The following FBXW11 variants were observed in gnomAD, a reference collection of about 807,000 sequenced individuals.
FBXW11 encodes the protein F-box and WD repeat domain containing 11.
Under a neutral mutation model 77.6 loss-of-function variants are expected in FBXW11, and 19 were observed. The ratio of observed to expected loss-of-function variants is 0.24; its 90% CI spans 0.17 to 0.36. The LOEUF (loss-of-function observed/expected upper bound fraction) is 0.36. Ranked by LOEUF, FBXW11 falls within the 10% of genes least tolerant of loss-of-function variation. FBXW11 has a pLI of 1.00. For missense variants in FBXW11, 334 were observed against 704.2 expected, an observed-to-expected ratio of 0.47 and a Z score of 5.95; for synonymous variants, 235 against 249.4, an observed-to-expected ratio of 0.94 and a Z score of 0.54.
chr5:171,908,265 A>T (rs1760657532), intron 4 of FBXW11, among the ~76,000 whole-genome samples: 1 of 152,072 alleles, frequency 6.6e-6, no homozygotes, highest in East Asian at 1.9e-4. Flanking sequence ...GCATGTCTCC[A>T]TCTCCCCCTC....
chr5:171,891,954 A>T (rs902832820), intron 6 of FBXW11, among the ~76,000 whole-genome samples: 2 of 152,194 alleles, frequency 1.3e-5, no homozygotes, highest in Non-Finnish European at 2.9e-5. Flanking sequence ...AATGCCAATT[A>T]AAAAACCATC....
At chr5:171,877,371 C>G (rs1249816566) in intron 8 of FBXW11, among the ~76,000 whole-genome samples, 2 of 152,146 alleles carry the variant, frequency 1.3e-5, no homozygotes, top group Non-Finnish European at 2.9e-5. Context: ...CCACTGCAAA[C>G]TGGGTAAGTC....
intron 9 of FBXW11, 61 bp from the exon 10 acceptor site, chr5:171,873,051 C>T (rs746928317): frequency 1.9e-5 from 26 of 1,340,664 alleles, no homozygotes; most frequent in Non-Finnish European, 2.5e-5. Flanking sequence ...TCACAATATA[C>T]CTTTCTTAAA....
Position 172,006,535 on chromosome 5 carries a change from G to A in FBXW11, c.-33C>T. Reference sequence around the variant, plus strand: ...CCGGCGGCCCCGCCTCGCTCTCCCCGCGCAGCAGCGAACGGCCCGGGCGGA... The same window carrying A: ...CCGGCGGCCCCGCCTCGCTCTCCCCACGCAGCAGCGAACGGCCCGGGCGGA... On this transcript the variant is annotated 5_prime_UTR_variant, in exon 1 of 14. Coordinates refer to ENST00000517395, the MANE Select transcript of FBXW11 (RefSeq NM_001378974.1). The A allele has an allele frequency of 6.7e-6, 10 of 1,490,264 alleles. No individual in the cohort carries two copies. The highest frequency in any genetic ancestry group is 1.5e-5 in the African/African-American group (1 of 68,778). The allele number at this position is 1,490,264 out of a possible 1,614,324, so 92.3% of individuals were successfully genotyped here.
At chr5:171,935,700 AT>A (rs1040557713) in intron 2 of FBXW11, among the ~76,000 whole-genome samples, 46 of 152,198 alleles carry the variant, frequency 3.0e-4, no homozygotes, top group African/African-American at 1.1e-3. Context: ...GTGGAGCAGC[AT>A]CTTCCAAAAT....
At chr5:171,998,796 CAAAAAAAAAAA>C (rs34476350) in intron 1 of FBXW11, among the ~76,000 whole-genome samples, 1 of 60,036 alleles carries the variant, frequency 1.7e-5, no homozygotes, top group South Asian at 7.5e-4. Context: ...GACTCCGTCT[CAAAAAAAAAAA>C]AAAAAAAAAG....
chr5:171,977,573 T>C, intron 1 of FBXW11: 1 of 451,148 alleles, frequency 2.2e-6, no homozygotes, highest in Admixed American at 2.4e-5. Context: ...CGTTTCATGC[T>C]GCCAATAAAG....
At chr5:171,934,946 GTTTT>G (rs569222169) in intron 2 of FBXW11, among the ~76,000 whole-genome samples, 86 of 151,752 alleles carry the variant, frequency 5.7e-4, no homozygotes, top group Non-Finnish European at 1.1e-3. Flanking sequence ...GGGTACAGTG[GTTTT>G]TTTTGTTTGT....
At chr5:171,985,070 A>G (rs1485643423) in intron 1 of FBXW11, among the ~76,000 whole-genome samples, 1 of 152,160 alleles carries the variant, frequency 6.6e-6, no homozygotes, top group African/African-American at 2.4e-5. Flanking sequence ...CACAGCTATC[A>G]ACACAGTCAT....
chr5:171,913,653 A>T (rs1367317571), intron 3 of FBXW11, among the ~76,000 whole-genome samples: 1 of 152,166 alleles, frequency 6.6e-6, no homozygotes, highest in Non-Finnish European at 1.5e-5. Flanking sequence ...GTTTCAAATC[A>T]AATGAACCCA....
intron 2 of FBXW11, among the ~76,000 whole-genome samples, chr5:171,917,766 CTGTG>C (rs60601173): frequency 0.016 from 2,393 of 147,560 alleles, 61 homozygotes; most frequent in African/African-American, 0.05. Flanking sequence ...TAGACTCACT[CTGTG>C]TGTGTGTGTG....
chr5:171,975,945 A>T (rs979011255), intron 1 of FBXW11, among the ~76,000 whole-genome samples: 2 of 152,200 alleles, frequency 1.3e-5, no homozygotes, highest in African/African-American at 4.8e-5. Context: ...ACACATTATT[A>T]AAATGATGAT....
At chr5:171,887,565 G>A (rs1758998868) in intron 7 of FBXW11, among the ~76,000 whole-genome samples, 1 of 152,076 alleles carries the variant, frequency 6.6e-6, no homozygotes, top group South Asian at 2.1e-4. Flanking sequence ...AGGGGAAAGA[G>A]GGGACAACAG....
At chr5:171,989,317 C>A (rs1765611775) in intron 1 of FBXW11, among the ~76,000 whole-genome samples, 1 of 152,218 alleles carries the variant, frequency 6.6e-6, no homozygotes, top group South Asian at 2.1e-4. Flanking sequence ...CCCATAGATT[C>A]CTCTCTAATA....
At position 171,894,879 on chromosome 5, in the gene FBXW11, A is replaced by G. The variant is rs185074685; in HGVS notation, c.715-3275T>C. 2.8e-3 allele frequency among the ~76,000 whole-genome samples: 426 copies of G among 152,290 alleles called. 2 individuals are homozygous for G. Among genetic ancestry groups the G allele is most frequent in the South Asian group, 0.023 (110 of 4,824 alleles). On this transcript the variant is annotated intron_variant, in intron 6 of 13. Coordinates refer to ENST00000517395, the MANE Select transcript of FBXW11 (RefSeq NM_001378974.1). ...GAGATTATGTATATAAGTTCTCATT[A>G]TGGTGCCAGCAAATGGTAGCAGTTA...
intron 1 of FBXW11, among the ~76,000 whole-genome samples, chr5:171,991,388 TAAC>T (rs942159483): frequency 3.9e-5 from 6 of 152,224 alleles, no homozygotes; most frequent in Admixed American, 2.0e-4. Flanking sequence ...TCAATAATTC[TAAC>T]ACCACTAATT....
At chr5:171,940,774 C>G (rs1010433741) in intron 2 of FBXW11, among the ~76,000 whole-genome samples, 4 of 151,982 alleles carry the variant, frequency 2.6e-5, no homozygotes, top group Non-Finnish European at 4.4e-5. Flanking sequence ...TATAATCCCA[C>G]TACTCAGGAG....
chr5:171,870,511 A>T (rs190165334), intron 11 of FBXW11, among the ~76,000 whole-genome samples: 1 of 152,294 alleles, frequency 6.6e-6, no homozygotes, highest in East Asian at 1.9e-4. Context: ...GCGATGATTC[A>T]AAGCTAAGTT....
intron 7 of FBXW11, among the ~76,000 whole-genome samples, chr5:171,889,387 G>A (rs1759148590): frequency 6.6e-6 from 1 of 152,044 alleles, no homozygotes; most frequent in South Asian, 2.1e-4. Flanking sequence ...AATTAGCTGG[G>A]CATGGTGGCT....
Sources: gnomAD v4.1 joint callset for allele counts (sites outside exome capture counted in the v4.1 genomes callset) on GRCh38, gnomAD v4.1.1 for gene constraint, MANE v1.5 for transcripts, NCBI Gene and HGNC (gene_info 2026-07-23, HGNC 2026-07-21) for gene names.